Variants in TMEM91 observed in about 807,000 individuals in gnomAD.
TMEM91 encodes the protein dispanin subfamily C member 3.
A neutral mutation model predicts 13.3 loss-of-function variants in TMEM91; 6 were observed. The observed-to-expected ratio is 0.45, with a 90% CI of 0.25 to 0.89. TMEM91 has a LOEUF of 0.89. TMEM91 is among the 40% of genes least tolerant of loss of function. The pLI is 0.19. For synonymous variants in TMEM91, 87 were observed against 101.7 expected (o/e 0.86, Z 0.87); for missense variants, 193 against 228.7 (o/e 0.84, Z 1.01).
upstream of TMEM91, among the ~76,000 whole-genome samples, chr19:41,373,250 G>A (rs1027857176): frequency 6.6e-6 from 1 of 152,070 alleles, no homozygotes; most frequent in Non-Finnish European, 1.5e-5. Flanking sequence ...GGAATCTCAT[G>A]TTTAATATTC....
At position 41,378,340 on chromosome 19, in the gene TMEM91, C is replaced by T. The variant is rs761839556; in HGVS notation, c.31C>T (p.Gln11Ter). 13 of 1,614,098 alleles carry T rather than the reference C, an allele frequency of 8.1e-6. No individual in the cohort carries two copies. In the Admixed American group the frequency reaches 1.0e-4, roughly 12 times the overall value. The change falls in exon 2 of 4, where the codon CAG (glutamine) becomes TAG (stop). Residue 11 changes from glutamine to a stop codon, truncating the protein, a stop_gained. Coordinates refer to ENST00000392002, the MANE Select transcript of TMEM91 (RefSeq NM_001098821.2). LOFTEE classifies it high-confidence loss of function. Reference protein sequence around the residue: MDSPSLRELQQPLLEGTECET... With the variant: MDSPSLRELQ ...CAGCCCTAGTCTTCGTGAGCTTCAA[C>T]AGCCTCTGCTGGAGGGCACAGAATG... is the stretch of plus-strand genomic sequence containing the variant.
chr19:41,363,996 A>T (rs928188526), upstream of TMEM91: 2 of 209,288 alleles, frequency 9.6e-6, no homozygotes, highest in South Asian at 1.3e-4. Context: ...GAAAGCGGCA[A>T]CCGGGGTTGT....
intron 1 of TMEM91, among the ~76,000 whole-genome samples, chr19:41,370,618 G>A (rs1003448306): frequency 1.3e-5 from 2 of 151,780 alleles, no homozygotes; most frequent in Non-Finnish European, 2.9e-5. Context: ...TATTGGCCAC[G>A]CTGGTCTCGA....
chr19:41,372,573 G>A (rs2038641693), upstream of TMEM91, among the ~76,000 whole-genome samples: 2 of 151,992 alleles, frequency 1.3e-5, no homozygotes, highest in Admixed American at 1.3e-4. Flanking sequence ...AAGGTTATAG[G>A]CGACCTCCTT....
chr19:41,380,051 A>G (rs2038842706), intron 2 of TMEM91, among the ~76,000 whole-genome samples: 1 of 151,802 alleles, frequency 6.6e-6, no homozygotes, highest in Admixed American at 6.6e-5. Flanking sequence ...ATGTGTCACC[A>G]TGCCCAGCTA....
At chr19:41,364,918 A>C (rs2038489594) in intron 1 of TMEM91, among the ~76,000 whole-genome samples, 1 of 151,986 alleles carries the variant, frequency 6.6e-6, no homozygotes, top group South Asian at 2.1e-4. Context: ...TCTGTCACCC[A>C]GGCTGGAGTA....
intron 1 of TMEM91, among the ~76,000 whole-genome samples, chr19:41,371,033 G>C (rs375215181): frequency 1.3e-5 from 2 of 149,796 alleles, no homozygotes; most frequent in Non-Finnish European, 3.0e-5. Context: ...ACAGGGTCTC[G>C]CTCTGTCACC....
intron 3 of TMEM91, chr19:41,383,440 C>A: frequency 8.6e-7 from 1 of 1,162,800 alleles, no homozygotes; most frequent in Non-Finnish European, 1.1e-6. Flanking sequence ...ACCTCTGGGT[C>A]AATGTGAGAA....
At chr19:41,370,558 C>T (rs1040502135) in intron 1 of TMEM91, among the ~76,000 whole-genome samples, 13 of 151,874 alleles carry the variant, frequency 8.6e-5, no homozygotes, top group Non-Finnish European at 1.8e-4. Flanking sequence ...AGGCGTGTGC[C>T]ACCTTGTCCA....
intron 1 of TMEM91, among the ~76,000 whole-genome samples, chr19:41,368,841 A>G (rs1007275773): frequency 1.3e-5 from 2 of 148,684 alleles, no homozygotes; most frequent in Non-Finnish European, 3.0e-5. Context: ...GGGGCTGGGC[A>G]CAGTGGCTCA....
In TMEM91 at chr19:41,366,583, C is replaced by G. The variant is rs532944141; in HGVS notation, c.-30+2488C>G. On this transcript the variant is annotated intron_variant, in intron 1 of 3. Coordinates refer to the TMEM91 transcript ENST00000413014. ...GGGTAAAAGCCAAAGTCTTATCATG[C>G]ATGACAAGGCTCTCCACAACCTGGC... Among the ~76,000 whole-genome samples the G allele has an allele frequency of 1.3e-3, 201 of 152,228 alleles. 3 individuals carry two copies. The highest frequency in any genetic ancestry group is 4.6e-3 in the African/African-American group (192 of 41,562).
chr19:41,371,483 A>C (rs577084951), intron 1 of TMEM91, among the ~76,000 whole-genome samples: 7 of 148,408 alleles, frequency 4.7e-5, no homozygotes, highest in African/African-American at 1.7e-4. Flanking sequence ...GCAGTGGCAC[A>C]ATCTTGGCTC....
At chr19:41,367,892 A>G (rs999519371) in intron 1 of TMEM91, among the ~76,000 whole-genome samples, 1 of 152,072 alleles carries the variant, frequency 6.6e-6, no homozygotes, top group African/African-American at 2.4e-5. Flanking sequence ...CTGCCTCCCA[A>G]AGTGCTGGGG....
At chr19:41,371,544 C>T (rs373161837), upstream of TMEM91, among the ~76,000 whole-genome samples, 97 of 151,178 alleles carry the variant, frequency 6.4e-4, 1 homozygote, top group South Asian at 0.019. Context: ...CTCAGCCTCC[C>T]GAGTAGCTGG....
chr19:41,363,975 T>G (rs983877170), upstream of TMEM91: 8 of 256,102 alleles, frequency 3.1e-5, no homozygotes, highest in African/African-American at 1.6e-4. Flanking sequence ...CACTTAACGG[T>G]TAGGAGAGGA....
intron 1 of TMEM91, among the ~76,000 whole-genome samples, chr19:41,377,874 G>A (rs1171153043): frequency 8.6e-5 from 13 of 151,530 alleles, no homozygotes; most frequent in Admixed American, 5.3e-4. Context: ...AAAATTAGCC[G>A]GGCATGGTGG....
intron 2 of TMEM91, among the ~76,000 whole-genome samples, chr19:41,381,965 A>C (rs566918621): frequency 6.6e-6 from 1 of 152,062 alleles, no homozygotes; most frequent in Non-Finnish European, 1.5e-5. Context: ...TCCTGGGTTC[A>C]AGTGATTCTC....
In TMEM91 at chr19:41,383,902, T is replaced by G. The variant is rs2123213173; in HGVS notation, c.*29T>G. On this transcript the variant is annotated 3_prime_UTR_variant, in exon 4 of 4. Coordinates refer to ENST00000392002, the MANE Select transcript of TMEM91 (RefSeq NM_001098821.2). ...CCCCTACAGCCCTCACTGTGAACCC[T>G]GAGGCCGGCAGCCCAGCAAATCTGT... 6.3e-7 allele frequency: 1 copy of G among 1,584,944 alleles called. No individual in the cohort carries two copies. The highest frequency in any genetic ancestry group is 1.2e-5 in the South Asian group (1 of 86,624).
At chr19:41,365,710 T>G (rs2038511052) in intron 1 of TMEM91, among the ~76,000 whole-genome samples, 1 of 133,834 alleles carries the variant, frequency 7.5e-6, no homozygotes, top group Non-Finnish European at 1.6e-5. Context: ...CGGCCGGGTT[T>G]TTTTTTTTTT....
Sources: allele counts gnomAD v4.1 joint callset (sites outside exome capture counted in the v4.1 genomes callset), GRCh38; gene constraint gnomAD v4.1.1; transcripts MANE v1.5; gene names NCBI Gene and HGNC (gene_info 2026-07-23, HGNC 2026-07-21).